The following LRFN5 variants were observed in gnomAD, a reference collection of about 807,000 sequenced individuals.
The protein encoded by LRFN5 is leucine rich repeat and fibronectin type III domain containing 5.
A neutral mutation model predicts 45.6 loss-of-function variants in LRFN5; 24 were observed. That is an observed-to-expected ratio of 0.53 (90% CI 0.38 to 0.74). The LOEUF (loss-of-function observed/expected upper bound fraction) is 0.74. LRFN5 is among the 30% of genes least tolerant of loss of function. The pLI, the probability that LRFN5 is intolerant of heterozygous loss-of-function variation, is 0.00. For synonymous variants in LRFN5, 340 were observed against 313.8 expected, an observed-to-expected ratio of 1.08 and a Z score of -0.88; for missense variants, 776 against 861.5, an observed-to-expected ratio of 0.90 and a Z score of 1.24.
chr14:41,610,756 T>G (rs923316188), intron 1 of LRFN5, among the ~76,000 whole-genome samples: 1 of 135,260 alleles, frequency 7.4e-6, no homozygotes, highest in African/African-American at 2.5e-5. Flanking sequence ...AAAAAAGGAT[T>G]TTTTTCTTTT....
chr14:41,652,251 AT>A (rs1402835436), intron 1 of LRFN5, among the ~76,000 whole-genome samples: 1 of 152,108 alleles, frequency 6.6e-6, no homozygotes, highest in East Asian at 1.9e-4. Context: ...TCATATTTTA[AT>A]GTAGCATGTT....
intron 2 of LRFN5, among the ~76,000 whole-genome samples, chr14:41,872,148 A>G (rs564057423): frequency 6.0e-4 from 91 of 152,310 alleles, no homozygotes; most frequent in African/African-American, 2.0e-3. Context: ...TCATCATATA[A>G]TATTTGTTTT....
chr14:41,813,254 T>G (rs1887799882), intron 2 of LRFN5, among the ~76,000 whole-genome samples: 1 of 152,130 alleles, frequency 6.6e-6, no homozygotes, highest in South Asian at 2.1e-4. Context: ...GGTACAGGCT[T>G]GTCACATAGG....
intron 2 of LRFN5, among the ~76,000 whole-genome samples, chr14:41,843,844 TA>T (rs1888954174): frequency 1.3e-5 from 2 of 152,260 alleles, no homozygotes; most frequent in South Asian, 4.1e-4. Flanking sequence ...ATAAAGAAGA[TA>T]AACACACATG....
intron 2 of LRFN5, among the ~76,000 whole-genome samples, chr14:41,803,262 C>G (rs1037963095): frequency 6.6e-6 from 1 of 152,050 alleles, no homozygotes; most frequent in Non-Finnish European, 1.5e-5. Context: ...GTTTTATGTA[C>G]ATTCTTTTCC....
chr14:41,726,754 G>A (rs568409324), intron 1 of LRFN5, among the ~76,000 whole-genome samples: 3 of 152,150 alleles, frequency 2.0e-5, no homozygotes, highest in African/African-American at 7.2e-5. Context: ...GCTGAACTGT[G>A]TAAACATACA....
intron 1 of LRFN5, among the ~76,000 whole-genome samples, chr14:41,615,491 A>G (rs1046286276): frequency 6.6e-6 from 1 of 152,022 alleles, no homozygotes; most frequent in African/African-American, 2.4e-5. Context: ...AAGTCCTTTT[A>G]CCTTTAATGG....
intron 2 of LRFN5, among the ~76,000 whole-genome samples, chr14:41,870,404 G>C (rs1380417140): frequency 6.6e-6 from 1 of 152,144 alleles, no homozygotes; most frequent in African/African-American, 2.4e-5. Context: ...AAAGGAAAGA[G>C]GTTTAATTGA....
intron 1 of LRFN5, among the ~76,000 whole-genome samples, chr14:41,692,597 G>T (rs1882428300): frequency 6.6e-6 from 1 of 152,040 alleles, no homozygotes; most frequent in South Asian, 2.1e-4. Flanking sequence ...CCCAGTGTGT[G>T]ATGTTCCCCT....
At chr14:41,761,001 G>A (rs1188445096) in intron 1 of LRFN5, among the ~76,000 whole-genome samples, 1 of 152,088 alleles carries the variant, frequency 6.6e-6, no homozygotes, top group Non-Finnish European at 1.5e-5. Context: ...CCTAAATTGG[G>A]CCCCTGATGG....
intron 2 of LRFN5, among the ~76,000 whole-genome samples, chr14:41,860,112 T>C (rs1889610025): frequency 1.3e-5 from 2 of 152,100 alleles, no homozygotes; most frequent in South Asian, 4.1e-4. Context: ...ATTCCAGCTA[T>C]CCAGAAGAAA....
At chr14:41,847,964 C>T (rs1889127318) in intron 2 of LRFN5, among the ~76,000 whole-genome samples, 1 of 152,118 alleles carries the variant, frequency 6.6e-6, no homozygotes, top group Non-Finnish European at 1.5e-5. Flanking sequence ...TATTGATCTA[C>T]ATATCAAACA....
In LRFN5 at chr14:41,606,895, T is replaced by C. The variant is rs1044230512; in HGVS notation, c.-1864T>C. Among the ~76,000 whole-genome samples the C allele has an allele frequency of 2.6e-5, 4 of 151,904 alleles. No individual in the cohort carries two copies. The highest frequency in any genetic ancestry group is 7.2e-5 in the African/African-American group (3 of 41,400). On this transcript the variant is annotated 5_prime_UTR_variant, in exon 1 of 6. It removes an upstream start codon present in the reference 5' UTR. Transcript: ENST00000298119. Reference sequence around the variant, plus strand: ...GCCGCCGCCGCCGCCGCCGCCTTCATGCTGCAGCGCAGGGCTCAGTTCCAC... The same window carrying C: ...GCCGCCGCCGCCGCCGCCGCCTTCACGCTGCAGCGCAGGGCTCAGTTCCAC...
At chr14:41,674,872 C>T (rs1881524596) in intron 1 of LRFN5, among the ~76,000 whole-genome samples, 1 of 151,336 alleles carries the variant, frequency 6.6e-6, no homozygotes, top group Admixed American at 6.6e-5. Flanking sequence ...CGGAGGGTCT[C>T]CTCGCTTCTC....
chr14:41,763,400 A>C (rs911151027), intron 1 of LRFN5, among the ~76,000 whole-genome samples: 1 of 152,192 alleles, frequency 6.6e-6, no homozygotes, highest in Non-Finnish European at 1.5e-5. Flanking sequence ...TGGAGGAGGT[A>C]ATGATTCTCA....
chr14:41,803,022 A>T (rs1887392488), intron 2 of LRFN5, among the ~76,000 whole-genome samples: 2 of 152,198 alleles, frequency 1.3e-5, no homozygotes, highest in African/African-American at 4.8e-5. Flanking sequence ...AAGTTGCCTT[A>T]GTGTTGGTAT....
intron 1 of LRFN5, among the ~76,000 whole-genome samples, chr14:41,670,140 CTGTG>C (rs10597849): frequency 7.4e-4 from 103 of 139,696 alleles, no homozygotes; most frequent in African/African-American, 2.5e-3. Context: ...TATATACATT[CTGTG>C]TGTGTATATA....
At chr14:41,662,061 A>C (rs1156781922) in intron 1 of LRFN5, among the ~76,000 whole-genome samples, 2 of 152,050 alleles carry the variant, frequency 1.3e-5, no homozygotes, top group African/African-American at 2.4e-5. Flanking sequence ...GCAAGCACAA[A>C]CTTAGGGTAG....
chr14:41,793,122 C>T (rs1886990795), intron 2 of LRFN5, among the ~76,000 whole-genome samples: 1 of 150,036 alleles, frequency 6.7e-6, no homozygotes, highest in East Asian at 2.0e-4. Context: ...ACATTGTGCA[C>T]ATGTACCCTA....
Sources: gnomAD v4.1 joint callset for allele counts (sites outside exome capture counted in the v4.1 genomes callset) on GRCh38, gnomAD v4.1.1 for gene constraint, MANE v1.5 for transcripts, NCBI Gene and HGNC (gene_info 2026-07-23, HGNC 2026-07-21) for gene names.